The following ZNRF2 variants were observed in gnomAD, a reference collection of about 807,000 sequenced individuals.
The protein encoded by ZNRF2 is E3 ubiquitin-protein ligase ZNRF2.
Under a neutral mutation model 20.4 loss-of-function variants are expected in ZNRF2, and 16 were observed. The ratio of observed to expected loss-of-function variants is 0.79; its 90% CI spans 0.53 to 1.19. The LOEUF (loss-of-function observed/expected upper bound fraction) is 1.19. Ranked by LOEUF, ZNRF2 falls within the 50% of genes most tolerant of loss-of-function variation. The pLI, the probability that ZNRF2 is intolerant of heterozygous loss-of-function variation, is 0.00. For synonymous variants in ZNRF2, 178 were observed against 144.9 expected (o/e 1.23, Z -1.64); for missense variants, 363 against 332.4 (o/e 1.09, Z -0.72).
intron 2 of ZNRF2, among the ~76,000 whole-genome samples, chr7:30,351,293 C>G (rs1195101160): frequency 6.6e-6 from 1 of 151,850 alleles, no homozygotes; most frequent in Non-Finnish European, 1.5e-5. Flanking sequence ...ATTAAAAATT[C>G]AGTTTCTCAG....
intron 1 of ZNRF2, among the ~76,000 whole-genome samples, chr7:30,291,215 T>G (rs1259221450): frequency 6.6e-6 from 1 of 152,198 alleles, no homozygotes; most frequent in African/African-American, 2.4e-5. Flanking sequence ...AGAGGAATGA[T>G]GAGAACCTGA....
chr7:30,329,679 A>AC (rs1349998324), intron 2 of ZNRF2, among the ~76,000 whole-genome samples: 2 of 152,194 alleles, frequency 1.3e-5, no homozygotes, highest in African/African-American at 4.8e-5. Context: ...GTTTATAGAT[A>AC]CCACGTTTTC....
intron 1 of ZNRF2, among the ~76,000 whole-genome samples, chr7:30,303,329 T>C (rs1228476243): frequency 6.6e-6 from 1 of 152,064 alleles, no homozygotes. Context: ...ATCTCCCGAA[T>C]TAATTTTATA....
Position 30,294,013 on chromosome 7 carries a change from C to CT in ZNRF2, c.469+8195dup, listed in dbSNP as rs113013621. 2.5e-4 allele frequency among the ~76,000 whole-genome samples: 38 copies of CT among 151,944 alleles called. No homozygotes were observed. The East Asian group carries it at 5.4e-3, about 22-fold the overall frequency. On this transcript the variant is annotated intron_variant, in intron 1 of 4. Transcript: ENST00000323037. ...GGTTATTTATTTTTATTTTTATTGT[C>CT]TTTTTTTTCTTTCCTTTTTGTGGAG...
chr7:30,305,187 C>T (rs999730255), intron 1 of ZNRF2, among the ~76,000 whole-genome samples: 5 of 152,174 alleles, frequency 3.3e-5, no homozygotes, highest in Non-Finnish European at 7.4e-5. Flanking sequence ...AAATCAGCAA[C>T]TAGTACAAAT....
intron 1 of ZNRF2, among the ~76,000 whole-genome samples, chr7:30,298,294 G>T (rs564423346): frequency 1.3e-5 from 2 of 151,930 alleles, no homozygotes; most frequent in Non-Finnish European, 2.9e-5. Flanking sequence ...TGATGACTCG[G>T]TTTCTTCCCA....
chr7:30,315,253 T>G (rs1224621868), intron 1 of ZNRF2, among the ~76,000 whole-genome samples: 1 of 152,226 alleles, frequency 6.6e-6, no homozygotes, highest in African/African-American at 2.4e-5. Context: ...GGTATTTGTT[T>G]GTTTTTTGCC....
At chr7:30,361,401 G>T (rs565256735) in intron 3 of ZNRF2, among the ~76,000 whole-genome samples, 1 of 152,178 alleles carries the variant, frequency 6.6e-6, no homozygotes, top group Admixed American at 6.5e-5. Context: ...AACCTATCTG[G>T]ACATGAGGAT....
intron 1 of ZNRF2, among the ~76,000 whole-genome samples, chr7:30,317,851 A>G (rs1181507185): frequency 6.6e-6 from 1 of 152,218 alleles, no homozygotes; most frequent in Non-Finnish European, 1.5e-5. Flanking sequence ...ATGGAATGAC[A>G]GCTTCTGTTT....
chr7:30,337,472 G>T (rs537682491), intron 2 of ZNRF2, among the ~76,000 whole-genome samples: 2 of 152,082 alleles, frequency 1.3e-5, no homozygotes, highest in Non-Finnish European at 2.9e-5. Context: ...GCCCAAGAGG[G>T]CCAGGTGACA....
chr7:30,362,055 T>G (rs892316608), intron 3 of ZNRF2, among the ~76,000 whole-genome samples: 1 of 152,208 alleles, frequency 6.6e-6, no homozygotes, highest in African/African-American at 2.4e-5. Flanking sequence ...AATGAATAAC[T>G]GTTTTGAAAA....
chr7:30,311,390 A>T (rs1395252097), intron 1 of ZNRF2, among the ~76,000 whole-genome samples: 1 of 152,166 alleles, frequency 6.6e-6, no homozygotes, highest in Non-Finnish European at 1.5e-5. Flanking sequence ...CCATATGTGA[A>T]TTTGGGGGAT....
At chr7:30,297,066 C>T (rs941995240) in intron 1 of ZNRF2, among the ~76,000 whole-genome samples, 6 of 152,168 alleles carry the variant, frequency 3.9e-5, no homozygotes, top group African/African-American at 1.2e-4. Flanking sequence ...CCTTTTCACA[C>T]TTGGCTGCTT....
chr7:30,311,250 A>G (rs1042039490), intron 1 of ZNRF2, among the ~76,000 whole-genome samples: 2 of 152,156 alleles, frequency 1.3e-5, no homozygotes, highest in African/African-American at 4.8e-5. Flanking sequence ...CAACCCCAGA[A>G]TTTTACCCCG....
chr7:30,320,063 C>T lies in ZNRF2; in HGVS notation c.470-3579C>T, dbSNP rs369384472. ...GTGAGTTTATATATTTATTTAACCA[C>T]GAATTCTTTGTTTTGATTCATCTGT... On this transcript the variant is annotated intron_variant, in intron 1 of 4. Transcript: ENST00000323037. Among the ~76,000 whole-genome samples the T allele has an allele frequency of 4.6e-5, 7 of 152,074 alleles. No homozygotes were observed. The South Asian group carries it at 6.2e-4, about 14-fold the overall frequency.
intron 1 of ZNRF2, among the ~76,000 whole-genome samples, chr7:30,294,898 A>G (rs1397086338): frequency 6.6e-6 from 1 of 151,910 alleles, no homozygotes; most frequent in African/African-American, 2.4e-5. Context: ...GTTTCAAATT[A>G]TTGAAAAGGA....
chr7:30,352,405 A>T (rs1041568219), intron 2 of ZNRF2, among the ~76,000 whole-genome samples: 21 of 152,120 alleles, frequency 1.4e-4, no homozygotes, highest in African/African-American at 5.1e-4. Flanking sequence ...TAAAAATCGT[A>T]ATCATTGCTC....
Position 30,285,136 on chromosome 7 carries a change from G to C in ZNRF2, c.-222G>C, listed in dbSNP as rs1262590292. 1 of 417,600 alleles carries C rather than the reference G, an allele frequency of 2.4e-6. No homozygotes were observed. The highest frequency in any genetic ancestry group is 1.3e-4 in the East Asian group (1 of 7,792). 25.9% of individuals were successfully genotyped at this position (417,600 alleles called of 1,614,324 possible). ...GACCCCTTCCTCTCCGCGTCTCCTCGTCTCCCGCGCCCGCGTCAGGCCGTC... is the reference window on the plus strand; with the variant it reads ...GACCCCTTCCTCTCCGCGTCTCCTCCTCTCCCGCGCCCGCGTCAGGCCGTC... On this transcript the variant is annotated 5_prime_UTR_variant, in exon 1 of 5. Coordinates refer to ENST00000323037, the MANE Select transcript of ZNRF2 (RefSeq NM_147128.4).
At chr7:30,348,133 A>G (rs547331706) in intron 2 of ZNRF2, among the ~76,000 whole-genome samples, 189 of 150,990 alleles carry the variant, frequency 1.3e-3, no homozygotes, top group Non-Finnish European at 1.9e-3. Flanking sequence ...AGTGGCTGAC[A>G]CGCACTTCCT....
Sources: gnomAD v4.1 joint callset for allele counts (sites outside exome capture counted in the v4.1 genomes callset) on GRCh38, gnomAD v4.1.1 for gene constraint, MANE v1.5 for transcripts, NCBI Gene and HGNC (gene_info 2026-07-23, HGNC 2026-07-21) for gene names.